ESR1: variants seen among roughly 807,000 people sequenced by gnomAD.
ESR1 encodes the protein estrogen receptor.
ESR1 carries 12 observed loss-of-function variants against 52.7 expected under a neutral mutation model. The observed-to-expected ratio is 0.23, with a 90% CI of 0.15 to 0.37. The LOEUF is 0.37. ESR1 is among the 10% of genes least tolerant of loss of function. ESR1 has a pLI of 1.00. For synonymous variants in ESR1, 305 were observed against 316.8 expected (o/e 0.96, Z 0.39); for missense variants, 584 against 779.7 (o/e 0.75, Z 2.99).
At chr6:151,996,618 A>G (rs1177712797) in intron 4 of ESR1, among the ~76,000 whole-genome samples, 1 of 152,144 alleles carries the variant, frequency 6.6e-6, no homozygotes, top group Non-Finnish European at 1.5e-5. Flanking sequence ...ATATGAGACC[A>G]TGTTATATGC....
chr6:151,751,954 T>C (rs112933648), intron 2 of ESR1, among the ~76,000 whole-genome samples: 2 of 152,256 alleles, frequency 1.3e-5, no homozygotes, highest in African/African-American at 4.8e-5. Flanking sequence ...CATTGAGAGG[T>C]CCGCATTTTC....
chr6:152,080,352 T>C (rs1458624587), intron 6 of ESR1, among the ~76,000 whole-genome samples: 3 of 151,806 alleles, frequency 2.0e-5, no homozygotes, highest in Non-Finnish European at 4.4e-5. Context: ...TTCTTAAAAA[T>C]TCTTAAAAAA....
At chr6:151,756,906 C>T (rs886645888) in intron 2 of ESR1, among the ~76,000 whole-genome samples, 1 of 152,168 alleles carries the variant, frequency 6.6e-6, no homozygotes, top group Non-Finnish European at 1.5e-5. Context: ...ACAAGAATCG[C>T]TTGAACCCTG....
exon 7 of ESR1, chr6:152,128,796 C>T (rs766392178): frequency 6.6e-6 from 1 of 152,190 alleles, no homozygotes; most frequent in African/African-American, 2.4e-5. Context: ...TAAAGGAACA[C>T]CACGACAGCC....
upstream of ESR1, among the ~76,000 whole-genome samples, chr6:151,689,013 T>C (rs1778796602): frequency 6.6e-6 from 1 of 152,234 alleles, no homozygotes. Context: ...ACATACAATA[T>C]ACATTGTACA....
chr6:151,660,721 T>G (rs1220800877), intron 1 of ESR1, among the ~76,000 whole-genome samples: 2 of 152,348 alleles, frequency 1.3e-5, no homozygotes, highest in East Asian at 3.9e-4. Context: ...TAGACTCTTT[T>G]GTATGTATAT....
chr6:151,880,553 T>TGA lies in ESR1; in HGVS notation c.644-100_644-99dup. ...AGGCTGGGGAGCAACATAGTAAGGCTGAGGAAGTGATAGGAAAACAGCCTC... is the reference window on the plus strand; with the variant it reads ...AGGCTGGGGAGCAACATAGTAAGGCTGAGAGGAAGTGATAGGAAAACAGCCTC... On this transcript the variant is annotated intron_variant, in intron 2 of 7. Transcript: ENST00000206249. 6.3e-6 allele frequency: 5 copies of TGA among 794,178 alleles called. No individual in the cohort carries two copies. The South Asian group carries it at 6.7e-5, about 11-fold the overall frequency. 49.2% of individuals were successfully genotyped at this position (794,178 alleles called of 1,614,324 possible).
At chr6:151,879,080 C>A (rs1164770670) in intron 2 of ESR1, among the ~76,000 whole-genome samples, 2 of 151,988 alleles carry the variant, frequency 1.3e-5, no homozygotes, top group African/African-American at 4.8e-5. Context: ...AAGAAGAAGA[C>A]CTAGGATTGA....
At chr6:151,661,345 G>A (rs1777632013) in intron 1 of ESR1, among the ~76,000 whole-genome samples, 1 of 152,200 alleles carries the variant, frequency 6.6e-6, no homozygotes, top group Admixed American at 6.5e-5. Context: ...GTGTCCAGAT[G>A]AGAGGCAAGT....
intron 3 of ESR1, among the ~76,000 whole-genome samples, chr6:151,902,045 C>T (rs1173856301): frequency 1.3e-5 from 2 of 152,128 alleles, no homozygotes; most frequent in African/African-American, 4.8e-5. Flanking sequence ...ATAACAAATG[C>T]CAAGCCAAAT....
At chr6:151,953,347 G>C (rs556704422) in intron 4 of ESR1, among the ~76,000 whole-genome samples, 1 of 152,158 alleles carries the variant, frequency 6.6e-6, no homozygotes, top group Non-Finnish European at 1.5e-5. Flanking sequence ...ATTTTCTTTA[G>C]GAGTTGAAGA....
intron 2 of ESR1, among the ~76,000 whole-genome samples, chr6:151,878,940 C>A (rs1055862193): frequency 6.6e-6 from 1 of 152,102 alleles, no homozygotes; most frequent in Non-Finnish European, 1.5e-5. Flanking sequence ...GGCAGCTGGA[C>A]ATATGTACCA....
chr6:151,816,440 G>T (rs1204973413), intron 1 of ESR1, among the ~76,000 whole-genome samples: 1 of 152,114 alleles, frequency 6.6e-6, no homozygotes, highest in East Asian at 1.9e-4. Context: ...ATGATGTGAG[G>T]ATTAAACAAA....
At chr6:151,658,234 C>T (rs768505681) in intron 1 of ESR1, among the ~76,000 whole-genome samples, 35 of 152,216 alleles carry the variant, frequency 2.3e-4, no homozygotes, top group Non-Finnish European at 4.4e-4. Flanking sequence ...CTAAAGGTAA[C>T]TTAAACTTTT....
chr6:151,745,612 G>A (rs1783424565), intron 2 of ESR1, among the ~76,000 whole-genome samples: 1 of 151,942 alleles, frequency 6.6e-6, no homozygotes, highest in South Asian at 2.1e-4. Flanking sequence ...AGACTTTGTT[G>A]GTAAGTTTTG....
chr6:151,666,444 T>C (rs1483326179), intron 1 of ESR1, among the ~76,000 whole-genome samples: 1 of 152,180 alleles, frequency 6.6e-6, no homozygotes, highest in Non-Finnish European at 1.5e-5. Context: ...GAATTCAGGT[T>C]CCTGGTGAGT....
chr6:151,790,829 G>C (rs1444868770), intron 2 of ESR1, among the ~76,000 whole-genome samples: 2 of 152,090 alleles, frequency 1.3e-5, no homozygotes, highest in East Asian at 1.9e-4. Context: ...ACGAACATCT[G>C]TTGGGTATTC....
chr6:151,769,651 A>G (rs902558569), intron 2 of ESR1, among the ~76,000 whole-genome samples: 82 of 152,334 alleles, frequency 5.4e-4, no homozygotes, highest in African/African-American at 1.9e-3. Context: ...TGGGCTACGC[A>G]GGGGCTAGAT....
At chr6:151,907,698 G>T (rs1797664240) in intron 3 of ESR1, among the ~76,000 whole-genome samples, 1 of 152,082 alleles carries the variant, frequency 6.6e-6, no homozygotes, top group African/African-American at 2.4e-5. Flanking sequence ...TTTTCAACAT[G>T]ACTGGGAACA....
Sources: gnomAD v4.1 joint callset for allele counts (sites outside exome capture counted in the v4.1 genomes callset) on GRCh38, gnomAD v4.1.1 for gene constraint, MANE v1.5 for transcripts, NCBI Gene and HGNC (gene_info 2026-07-23, HGNC 2026-07-21) for gene names.